Variants in SPACA9 observed in about 807,000 individuals in gnomAD.
The protein encoded by SPACA9 is sperm acrosome-associated protein 9.
In SPACA9, 14 loss-of-function variants were observed where a neutral mutation model predicts 12.5. The ratio of observed to expected loss-of-function variants is 1.12; its 90% confidence interval spans 0.74 to 1.75. SPACA9 has a LOEUF of 1.75. SPACA9 is among the 40% of genes most tolerant of loss of function. SPACA9 has a pLI of 0.00. For missense variants in SPACA9, 292 were observed against 291.9 expected (o/e 1.00, Z 0.00); for synonymous variants, 111 against 114.1 (o/e 0.97, Z 0.17).
chr9:132,879,895 A>T (rs139703610), intron 1 of SPACA9, among the ~76,000 whole-genome samples: 182 of 152,344 alleles, frequency 1.2e-3, no homozygotes, highest in African/African-American at 4.0e-3. Flanking sequence ...CTCCAGCTAA[A>T]GCCCTTTTCT....
rs1844626073 is a variant in SPACA9, at chr9:132,888,244, C to A, written c.348-46C>A. ...GTGGCAGCTGCTTGCCACGGCATGGCAAGTCCCGGGAGCATGGGTTCACCT... is the reference window on the plus strand; with the variant it reads ...GTGGCAGCTGCTTGCCACGGCATGGAAAGTCCCGGGAGCATGGGTTCACCT... On this transcript the variant is annotated intron_variant, in intron 3 of 3. Coordinates refer to ENST00000356311, the MANE Select transcript of SPACA9 (RefSeq NM_001316897.2). The surrounding 1 kb of genome is among the most constrained non-coding windows in gnomAD (Gnocchi z 5.0). 1 of 1,556,520 alleles carries A rather than the reference C, an allele frequency of 6.4e-7. No individual in the cohort carries two copies. The highest frequency in any genetic ancestry group is 1.2e-5 in the South Asian group (1 of 81,750).
At chr9:132,878,366 A>G (rs1347958112), upstream of SPACA9, 16 of 1,251,116 alleles carry the variant, frequency 1.3e-5, no homozygotes, top group Non-Finnish European at 1.6e-5. This position sits in a 1 kb window ranked among gnomAD's most constrained non-coding sequence, Gnocchi z 4.7. Flanking sequence ...CGCCGGGCCC[A>G]GATACCCGAT....
Position 132,887,322 on chromosome 9 carries a change from G to T in SPACA9, c.145-47G>T. ...GACATTTGCACCATAAGCCAGCCAG[G>T]ACCCGGGTTGGCATGTCCCCAGCTC... On this transcript the variant is annotated intron_variant, in intron 2 of 3. Coordinates refer to ENST00000356311, the MANE Select transcript of SPACA9 (RefSeq NM_001316897.2). This position sits in a 1 kb window ranked among gnomAD's most constrained non-coding sequence, Gnocchi z 5.4. 2 of 1,569,424 alleles carry T rather than the reference G, an allele frequency of 1.3e-6. No individual in the cohort carries two copies. Among genetic ancestry groups the T allele is most frequent in the Non-Finnish European group, 8.7e-7 (1 of 1,150,938 alleles).
intron 1 of SPACA9, among the ~76,000 whole-genome samples, chr9:132,881,285 GAAA>G (rs1326698941): frequency 7.3e-5 from 7 of 96,464 alleles, no homozygotes; most frequent in African/African-American, 1.8e-4. Context: ...AAAAAAAAAA[GAAA>G]AAAAAGAAGA....
In SPACA9 at chr9:132,883,912, T is replaced by A; in HGVS notation, c.-36T>A. On this transcript the variant is annotated splice_region_variant and 5_prime_UTR_variant, in exon 2 of 4. Transcript: ENST00000356311. The stretch of plus-strand genomic sequence containing the variant: ...TCACTATCCTCTGTCTCCCCATAGA[T>A]TCCTCTTCTCCTGTAAATGACCACA... 1 of 1,610,972 alleles carries A rather than the reference T, an allele frequency of 6.2e-7. No homozygotes were observed. The highest frequency in any genetic ancestry group is 1.7e-5 in the Admixed American group (1 of 60,000).
chr9:132,885,624 C>T (rs549502475), intron 2 of SPACA9, among the ~76,000 whole-genome samples: 4 of 152,204 alleles, frequency 2.6e-5, no homozygotes, highest in South Asian at 4.1e-4. Context: ...TATTTGCCCA[C>T]GCATGCAGCC....
Position 132,884,972 on chromosome 9 carries a change from G to T in SPACA9, c.144+881G>T, listed in dbSNP as rs559381178. ...CTACTAAAAATACAAAAATAGCTGG[G>T]CGTGGTGGTGCGCATCTGTAATCCC... On this transcript the variant is annotated intron_variant, in intron 2 of 3. Coordinates refer to ENST00000356311, the MANE Select transcript of SPACA9 (RefSeq NM_001316897.2). Among the ~76,000 whole-genome samples, 7 of 151,986 alleles carry T rather than the reference G, an allele frequency of 4.6e-5. No homozygotes were observed. The South Asian group carries it at 1.5e-3, about 32-fold the overall frequency.
intron 1 of SPACA9, among the ~76,000 whole-genome samples, chr9:132,883,220 C>T (rs910488505): frequency 1.3e-5 from 2 of 152,178 alleles, no homozygotes; most frequent in African/African-American, 2.4e-5. Flanking sequence ...GGTCAGGGGG[C>T]AGTCCACTAG....
In SPACA9 at chr9:132,889,508, C is replaced by T. The variant is rs1421913115; in HGVS notation, c.*897C>T. On this transcript the variant is annotated 3_prime_UTR_variant, in exon 4 of 4. Transcript: ENST00000356311. Reference sequence around the variant, plus strand: ...TGCAACCTCCACCTCCAGGTTCAAGCGATTCTCCTGCCTCAGCCTCCTGAG... The same window carrying T: ...TGCAACCTCCACCTCCAGGTTCAAGTGATTCTCCTGCCTCAGCCTCCTGAG... 10 of 717,976 alleles carry T rather than the reference C, an allele frequency of 1.4e-5. No homozygotes were observed. Among genetic ancestry groups the T allele is most frequent in the South Asian group, 1.3e-4 (2 of 15,972 alleles). The allele number at this position is 717,976 out of a possible 1,614,324, so 44.5% of individuals were successfully genotyped here.
intron 2 of SPACA9, among the ~76,000 whole-genome samples, chr9:132,884,314 C>T (rs750648883): frequency 1.3e-5 from 2 of 152,232 alleles, no homozygotes; most frequent in Non-Finnish European, 2.9e-5. Context: ...ACTCAGCCGG[C>T]CAGGGCTTAA....
chr9:132,884,097 G>A lies in SPACA9; in HGVS notation c.144+6G>A, dbSNP rs904829055. On this transcript the variant is annotated splice_donor_region_variant and intron_variant, in intron 2 of 3. Coordinates refer to ENST00000356311, the MANE Select transcript of SPACA9 (RefSeq NM_001316897.2). The stretch of plus-strand genomic sequence containing the variant: ...CCATCTCCAGCATTGGACAGGTGGG[G>A]CTCCCGACCCCCACCCCGGCCGAGG... 2 of 1,609,548 alleles carry A rather than the reference G, an allele frequency of 1.2e-6. No individual in the cohort carries two copies. Among genetic ancestry groups the A allele is most frequent in the Non-Finnish European group, 8.5e-7 (1 of 1,176,302 alleles).
Position 132,889,922 on chromosome 9 carries a change from A to C in SPACA9, c.*1311A>C, listed in dbSNP as rs753833036. ...TGTCCCTGGCTTCTGAGCTTGCCCA[A>C]AGTAATGTCTGACTGTTGGTTTTTC... On this transcript the variant is annotated 3_prime_UTR_variant, in exon 4 of 4. Coordinates refer to ENST00000356311, the MANE Select transcript of SPACA9 (RefSeq NM_001316897.2). The C allele has an allele frequency of 6.8e-7, 1 of 1,465,246 alleles. No homozygotes were observed. Among genetic ancestry groups the C allele is most frequent in the Non-Finnish European group, 9.1e-7 (1 of 1,099,746 alleles). The allele number at this position is 1,465,246 out of a possible 1,614,324, so 90.8% of individuals were successfully genotyped here. A position where few individuals can be genotyped will look rare whatever the true frequency, so the allele number is the denominator to read the frequency against.
At position 132,889,927 on chromosome 9, in the gene SPACA9, ATGTCTGAC is replaced by A. The variant is rs757494286; in HGVS notation, c.*1320_*1327del. 2.6e-5 allele frequency: 38 copies of A among 1,477,198 alleles called. No individual in the cohort carries two copies. The African/African-American group carries it at 5.0e-4, about 19-fold the overall frequency. The allele number at this position is 1,477,198 out of a possible 1,614,324, so 91.5% of individuals were successfully genotyped here. ...CTGGCTTCTGAGCTTGCCCAAAGTA[ATGTCTGAC>A]TGTTGGTTTTTCCCTTCACAGGGGA... On this transcript the variant is annotated 3_prime_UTR_variant, in exon 4 of 4. Coordinates refer to ENST00000356311, the MANE Select transcript of SPACA9 (RefSeq NM_001316897.2).
At chr9:132,884,424 C>G (rs752697556) in intron 2 of SPACA9, among the ~76,000 whole-genome samples, 1 of 152,156 alleles carries the variant, frequency 6.6e-6, no homozygotes, top group Non-Finnish European at 1.5e-5. Context: ...CAGTGGTCAC[C>G]CATAGAAAAC....
At chr9:132,881,715 G>T (rs577500783) in intron 1 of SPACA9, among the ~76,000 whole-genome samples, 4 of 151,244 alleles carry the variant, frequency 2.6e-5, no homozygotes, top group Admixed American at 2.6e-4. Context: ...AGGTTGGAGT[G>T]CAGTACTGCG....
At chr9:132,882,462 CTTTT>C (rs60513113) in intron 1 of SPACA9, among the ~76,000 whole-genome samples, 8 of 123,492 alleles carry the variant, frequency 6.5e-5, no homozygotes, top group Non-Finnish European at 6.9e-5. Context: ...TACCCTGCCT[CTTTT>C]TTTTTTTTTT....
chr9:132,883,991 A>G lies in SPACA9; in HGVS notation c.44A>G (p.Tyr15Cys). 1 of 1,614,224 alleles carries G rather than the reference A, an allele frequency of 6.2e-7. No homozygotes were observed. Among genetic ancestry groups the G allele is most frequent in the Non-Finnish European group, 8.5e-7 (1 of 1,180,040 alleles). The change falls in exon 2 of 4, where the codon TAC becomes TGC. Residue 15 changes from tyrosine (Y) to cysteine (C), a missense_variant. Transcript: ENST00000356311. ...KESLRSIEQK[Y>C]KLFQQQQLTF... ...TCCCTTCGCAGCATCGAGCAGAAGTACAAGCTCTTCCAGCAGCAGCAGCTC... is the reference window on the plus strand; with the variant it reads ...TCCCTTCGCAGCATCGAGCAGAAGTGCAAGCTCTTCCAGCAGCAGCAGCTC...
At chr9:132,879,652 A>G (rs1166401944) in intron 1 of SPACA9, among the ~76,000 whole-genome samples, 2 of 152,180 alleles carry the variant, frequency 1.3e-5, no homozygotes, top group Non-Finnish European at 2.9e-5. Context: ...GGATTAGAAC[A>G]ATGAGGAGTG....
Position 132,887,114 on chromosome 9 carries a change from G to A in SPACA9, c.145-255G>A, listed in dbSNP as rs542111284. Among the ~76,000 whole-genome samples, 158 of 151,242 alleles carry A rather than the reference G, an allele frequency of 1.0e-3. 3 individuals carry two copies. In the Middle Eastern group the frequency reaches 0.014, roughly 13 times the overall value. ...CACGTGTGAGCCACTGTGCCCAACC[G>A]ATCCATTAATTTCATATCATATCTA... On this transcript the variant is annotated intron_variant, in intron 2 of 3. Transcript: ENST00000356311. The surrounding 1 kb of genome is among the most constrained non-coding windows in gnomAD (Gnocchi z 5.4).
Sources: gnomAD v4.1 joint callset for allele counts (sites outside exome capture counted in the v4.1 genomes callset) on GRCh38, gnomAD v4.1.1 for gene constraint, Gnocchi (gnomAD v3.1) non-coding constraint, MANE v1.5 for transcripts, NCBI Gene and HGNC (gene_info 2026-07-23, HGNC 2026-07-21) for gene names.